TRAPPC6A: variants seen among roughly 807,000 people sequenced by gnomAD.
TRAPPC6A encodes the protein trafficking protein particle complex subunit 6A.
In TRAPPC6A, 25 loss-of-function variants were observed where a neutral mutation model predicts 20.8. That is an observed-to-expected ratio of 1.20 (90% CI 0.88 to 1.68). The LOEUF (loss-of-function observed/expected upper bound fraction) is 1.68. Among genes scored for constraint, TRAPPC6A ranks in the 40% most tolerant of loss-of-function variants. The probability of loss-of-function intolerance (pLI) is 0.00; values close to 1 mark genes in which losing one functional copy is unlikely to be tolerated. For synonymous variants in TRAPPC6A, 96 were observed against 93.3 expected (o/e 1.03, Z -0.16); for missense variants, 215 against 211.6 (o/e 1.02, Z -0.10).
At position 45,163,947 on chromosome 19, in the gene TRAPPC6A, C is replaced by G. The variant is rs747321986; in HGVS notation, c.417G>C (p.Val139=). 2 of 1,582,498 alleles carry G rather than the reference C, an allele frequency of 1.3e-6. No homozygotes were observed. Among genetic ancestry groups the G allele is most frequent in the Non-Finnish European group, 1.7e-6 (2 of 1,164,872 alleles). ...GCAGGGCTGCCACGGAGGCGGTGACCACGCTCTCAATGCCCAGGGTATAGA... is the reference window on the plus strand; with the variant it reads ...GCAGGGCTGCCACGGAGGCGGTGACGACGCTCTCAATGCCCAGGGTATAGA... ...GALYTLGIES[V]VTASVAALPV... is the part of the protein sequence containing the mutation. The change falls in exon 5 of 6, where the codon GTG becomes GTC. Residue 139 remains valine (V), a synonymous_variant. Coordinates refer to ENST00000585934, the MANE Select transcript of TRAPPC6A (RefSeq NM_001270891.2). The surrounding 1 kb of genome is among the most constrained non-coding windows in gnomAD (Gnocchi z 5.3).
chr19:45,177,502 G>A (rs377697184), intron 1 of TRAPPC6A, among the ~76,000 whole-genome samples: 9 of 152,136 alleles, frequency 5.9e-5, no homozygotes, highest in Non-Finnish European at 1.3e-4. Context: ...CATCATGCTC[G>A]GCTAATTTTT....
Position 45,162,987 on chromosome 19 carries a change from G to T in TRAPPC6A, c.*205C>A. The stretch of plus-strand genomic sequence containing the variant: ...TACTGGGCAGTGACGCTGCCGAGGC[G>T]GGAATCCCACCACAGTCCTGACCGC... On this transcript the variant is annotated 3_prime_UTR_variant, in exon 6 of 6. Transcript: ENST00000585934. 2.2e-6 allele frequency: 1 copy of T among 444,856 alleles called. No individual in the cohort carries two copies. The allele number at this position is 444,856 out of a possible 1,614,324, so 27.6% of individuals were successfully genotyped here.
chr19:45,170,881 G>A (rs1969254628), intron 1 of TRAPPC6A, among the ~76,000 whole-genome samples: 2 of 152,258 alleles, frequency 1.3e-5, no homozygotes, highest in South Asian at 4.1e-4. Flanking sequence ...GGAGGAGCAG[G>A]AGGCAGGGAA....
chr19:45,170,863 G>A (rs1023436874), intron 1 of TRAPPC6A, among the ~76,000 whole-genome samples: 2 of 152,234 alleles, frequency 1.3e-5, no homozygotes, highest in Non-Finnish European at 2.9e-5. Context: ...GCAAAAGGGA[G>A]GGGCCGAGGA....
intron 1 of TRAPPC6A, among the ~76,000 whole-genome samples, chr19:45,171,118 A>G (rs1969259021): frequency 6.6e-6 from 1 of 152,212 alleles, no homozygotes; most frequent in Admixed American, 6.5e-5. Flanking sequence ...CCTGGCCAAC[A>G]TGGCAAAACC....
At position 45,172,767 on chromosome 19, in the gene TRAPPC6A, G is replaced by T. The variant is rs1053011768; in HGVS notation, c.84+5368C>A. 1.3e-5 allele frequency among the ~76,000 whole-genome samples: 2 copies of T among 151,744 alleles called. 1 individual carries two copies. The highest frequency in any genetic ancestry group is 4.9e-5 in the African/African-American group (2 of 41,020). On this transcript the variant is annotated intron_variant, in intron 1 of 5. Coordinates refer to ENST00000585934, the MANE Select transcript of TRAPPC6A (RefSeq NM_001270891.2). This position sits in a 1 kb window ranked among gnomAD's most constrained non-coding sequence, Gnocchi z 4.2. ...GCCTCTGCCTTAAGCTCCTGCAACA[G>T]CGGGGCCCTTCCCAGGCCAATCTCC...
rs1969043031 is a variant in TRAPPC6A at position 45,163,044 on chromosome 19, C to T, written c.*148G>A. 1.1e-6 allele frequency: 1 copy of T among 888,398 alleles called. No homozygotes were observed. 55.0% of individuals were successfully genotyped at this position (888,398 alleles called of 1,614,324 possible). ...GACCCCTTTGCCTCCTCTGACACCCCCACCTCAATTTGATACCCACTTCCT... is the reference window on the plus strand; with the variant it reads ...GACCCCTTTGCCTCCTCTGACACCCTCACCTCAATTTGATACCCACTTCCT... On this transcript the variant is annotated 3_prime_UTR_variant, in exon 6 of 6. Coordinates refer to ENST00000585934, the MANE Select transcript of TRAPPC6A (RefSeq NM_001270891.2). This position sits in a 1 kb window ranked among gnomAD's most constrained non-coding sequence, Gnocchi z 5.3.
At chr19:45,174,608 C>A (rs1401016659) in intron 1 of TRAPPC6A, among the ~76,000 whole-genome samples, 2 of 151,638 alleles carry the variant, frequency 1.3e-5, no homozygotes, top group Non-Finnish European at 2.9e-5. Context: ...GCCAGAGGAT[C>A]GCTTGGGCCC....
At chr19:45,168,429 G>A (rs958512360) in intron 1 of TRAPPC6A, among the ~76,000 whole-genome samples, 1 of 152,212 alleles carries the variant, frequency 6.6e-6, no homozygotes, top group Non-Finnish European at 1.5e-5. Flanking sequence ...ATGGACCCTG[G>A]ACAGAACGCC....
At chr19:45,164,276 G>A (rs1356014694) in intron 3 of TRAPPC6A, 29 bp from the exon 4 acceptor site, 1 of 1,493,864 alleles carries the variant, frequency 6.7e-7, no homozygotes, top group South Asian at 1.2e-5. Flanking sequence ...TGGTGGGTGG[G>A]GTCGGGGCCT....
rs866237287 is a variant in TRAPPC6A, at chr19:45,168,520, T to A, written c.85-3326A>T. Among the ~76,000 whole-genome samples, 14 of 151,978 alleles carry A rather than the reference T, an allele frequency of 9.2e-5. No individual in the cohort carries two copies. The South Asian group carries it at 2.5e-3, about 27-fold the overall frequency. On this transcript the variant is annotated intron_variant, in intron 1 of 5. Coordinates refer to ENST00000585934, the MANE Select transcript of TRAPPC6A (RefSeq NM_001270891.2). ...CCCGGGAGCTCACCCAGCGGACACA[T>A]CCCAAGGATGCACAAGGAAAGGAGA...
Position 45,163,822 on chromosome 19 carries a change from G to A in TRAPPC6A, c.448+94C>T. ...GAGCAGGTGACTTAAAACTGGGCCT[G>A]CCTCCCAGGCACACACACAGGAGTG... On this transcript the variant is annotated intron_variant, in intron 5 of 5. Transcript: ENST00000585934. This position sits in a 1 kb window ranked among gnomAD's most constrained non-coding sequence, Gnocchi z 5.3. The A allele has an allele frequency of 8.6e-7, 1 of 1,163,200 alleles. No individual in the cohort carries two copies. Among genetic ancestry groups the A allele is most frequent in the Non-Finnish European group, 1.2e-6 (1 of 814,222 alleles). 72.1% of individuals were successfully genotyped at this position (1,163,200 alleles called of 1,614,324 possible).
chr19:45,166,405 C>T (rs1368197664), intron 1 of TRAPPC6A, among the ~76,000 whole-genome samples: 7 of 151,928 alleles, frequency 4.6e-5, no homozygotes, highest in African/African-American at 1.7e-4. Context: ...GATGGGGTTT[C>T]ACCATGTTGG....
At chr19:45,169,028 T>C (rs991122666) in intron 1 of TRAPPC6A, among the ~76,000 whole-genome samples, 2 of 152,196 alleles carry the variant, frequency 1.3e-5, no homozygotes, top group Non-Finnish European at 2.9e-5. Context: ...GGTGTCACCA[T>C]CTGCTTTCCT....
intron 4 of TRAPPC6A, 72 bp downstream of exon 4, chr19:45,164,091 AG>A: frequency 6.4e-7 from 1 of 1,552,474 alleles, no homozygotes; most frequent in Non-Finnish European, 8.7e-7. Flanking sequence ...GCCTGGGGAA[AG>A]GCCTGATGTG....
intron 3 of TRAPPC6A, 48 bp from the exon 4 acceptor site, chr19:45,164,295 G>T (rs1323379539): frequency 7.7e-7 from 1 of 1,300,892 alleles, no homozygotes; most frequent in African/African-American, 1.5e-5. Context: ...CTGTACATTT[G>T]AAGCGCAGGG....
chr19:45,164,809 TG>T, intron 3 of TRAPPC6A, 43 bp downstream of exon 3: 2 of 1,572,638 alleles, frequency 1.3e-6, no homozygotes, highest in Non-Finnish European at 1.8e-6. Flanking sequence ...CTCTTGGTCT[TG>T]CCCTCAGGAG....
intron 1 of TRAPPC6A, among the ~76,000 whole-genome samples, chr19:45,177,819 T>C (rs949450326): frequency 9.9e-5 from 15 of 152,200 alleles, no homozygotes; most frequent in African/African-American, 3.6e-4. Flanking sequence ...GATTAAGTCA[T>C]TGGGTCGCAC....
intron 1 of TRAPPC6A, among the ~76,000 whole-genome samples, chr19:45,174,754 A>C (rs1164866565): frequency 6.6e-6 from 1 of 151,982 alleles, no homozygotes; most frequent in Admixed American, 6.6e-5. Context: ...ACTTGAGCCC[A>C]GGAGTGTGAG....
Sources: allele counts gnomAD v4.1 joint callset (sites outside exome capture counted in the v4.1 genomes callset), GRCh38; gene constraint gnomAD v4.1.1; non-coding constraint Gnocchi (gnomAD v3.1); transcripts MANE v1.5; gene names NCBI Gene and HGNC (gene_info 2026-07-23, HGNC 2026-07-21).